The following LARS1 variants were observed in gnomAD, a reference collection of about 807,000 sequenced individuals.
LARS1 encodes the protein leucyl-tRNA synthetase 1, also known as leucine--tRNA ligase, cytoplasmic.
In LARS1, 100 loss-of-function variants were observed where a neutral mutation model predicts 162.8. The ratio of observed to expected loss-of-function variants is 0.61; its 90% CI spans 0.52 to 0.73. LARS1 has a LOEUF of 0.73. LARS1 is among the 30% of genes least tolerant of loss of function. The probability of loss-of-function intolerance (pLI) is 0.00; values close to 1 mark genes in which losing one functional copy is unlikely to be tolerated. For synonymous variants in LARS1, 457 were observed against 462.8 expected (o/e 0.99, Z 0.16); for missense variants, 1,258 against 1,408.9 (o/e 0.89, Z 1.71).
intron 13 of LARS1, among the ~76,000 whole-genome samples, chr5:146,152,498 T>A: frequency 6.6e-6 from 1 of 152,116 alleles, no homozygotes; most frequent in East Asian, 1.9e-4. Flanking sequence ...TTGTGAACTG[T>A]GCATGGAGGG....
intron 23 of LARS1, 44 bp downstream of exon 23, chr5:146,132,854 C>A: frequency 1.4e-6 from 2 of 1,456,688 alleles, no homozygotes; most frequent in Non-Finnish European, 9.4e-7. Context: ...TGCACCAGGA[C>A]TAAGTAACTC....
At chr5:146,179,677 G>T (rs757211262) in intron 1 of LARS1, 1 of 441,736 alleles carries the variant, frequency 2.3e-6, no homozygotes. Flanking sequence ...CCAGCTCACC[G>T]CAGCCTTGAC....
chr5:146,125,488 T>C (rs1025783760), intron 28 of LARS1, among the ~76,000 whole-genome samples: 1 of 152,008 alleles, frequency 6.6e-6, no homozygotes. Context: ...AATTTGTATT[T>C]TTAAACAACA....
intron 21 of LARS1, chr5:146,138,635 G>A (rs1752616547): frequency 6.6e-6 from 1 of 151,672 alleles, no homozygotes; most frequent in South Asian, 2.0e-4. Context: ...GGCTGAGGCA[G>A]GAGAATCGCT....
At chr5:146,126,211 C>T (rs144507259) in intron 28 of LARS1, among the ~76,000 whole-genome samples, 2 of 152,114 alleles carry the variant, frequency 1.3e-5, no homozygotes, top group African/African-American at 2.4e-5. Context: ...TTCAGTGCAG[C>T]CATTCTAAAC....
intron 2 of LARS1, among the ~76,000 whole-genome samples, chr5:146,174,388 T>G (rs943717955): frequency 7.0e-6 from 1 of 142,942 alleles, no homozygotes; most frequent in East Asian, 2.0e-4. Context: ...GAGGTTGCGG[T>G]GAGCCGAGAT....
intron 3 of LARS1, among the ~76,000 whole-genome samples, chr5:146,172,321 T>C (rs1581085465): frequency 2.6e-5 from 4 of 152,004 alleles, no homozygotes; most frequent in Non-Finnish European, 5.9e-5. Context: ...TTTGAGACCA[T>C]CCTGGCCAAT....
At position 146,131,080 on chromosome 5, in the gene LARS1, T is replaced by G. The variant is rs1176146440; in HGVS notation, c.2426A>C (p.Asp809Ala). The G allele has an allele frequency of 6.3e-7, 1 of 1,590,618 alleles. No homozygotes were observed. The highest frequency in any genetic ancestry group is 8.6e-7 in the Non-Finnish European group (1 of 1,165,532). Residue 809 changes from aspartate to alanine, a missense_variant, in exon 24 of 32, where the codon GAT becomes GCT. Asp to Ala is a moderately radical substitution (Grantham distance 126). Transcript: ENST00000394434. The stretch of plus-strand genomic sequence containing the variant: ...AAACATCATCTTTTCATAGTTTTGA[T>G]CTGTTTTTATAATTCCTGCATTCAA... ...SELNAGIIKT[D>A]QNYEKMMFKE...
At chr5:146,125,946 G>A (rs577687591) in intron 28 of LARS1, among the ~76,000 whole-genome samples, 13 of 152,046 alleles carry the variant, frequency 8.6e-5, no homozygotes, top group African/African-American at 3.1e-4. Context: ...ATGAGTAGAA[G>A]CCAGGGATGC....
At chr5:146,135,722 A>G in intron 21 of LARS1, 58 bp from the exon 22 acceptor site, 1 of 1,258,948 alleles carries the variant, frequency 7.9e-7, no homozygotes, top group Non-Finnish European at 1.1e-6. Flanking sequence ...AAACCAAATG[A>G]GCCAAATAAA....
At chr5:146,130,370 A>G (rs1561802058) in intron 24 of LARS1, 3 of 557,188 alleles carry the variant, frequency 5.4e-6, no homozygotes, top group South Asian at 2.3e-5. Flanking sequence ...ATTCTCAAAA[A>G]AAGAATTTTT....
intron 7 of LARS1, 26 bp from the exon 8 acceptor site, chr5:146,159,496 A>C: frequency 6.5e-7 from 1 of 1,538,652 alleles, no homozygotes; most frequent in Non-Finnish European, 9.0e-7. Context: ...AAAGTGACAA[A>C]CATTATTATA....
In LARS1 at chr5:146,120,442, A is replaced by G. The variant is rs1346963644; in HGVS notation, c.3254T>C (p.Ile1085Thr). 2.5e-6 allele frequency: 4 copies of G among 1,613,212 alleles called. No individual in the cohort carries two copies. The African/African-American group carries it at 4.0e-5, about 16-fold the overall frequency. The change falls in exon 31 of 32, where the codon ATT (isoleucine) becomes ACT (threonine). Residue 1085 changes from isoleucine to threonine, a missense_variant. Ile to Thr is a moderately conservative substitution (Grantham distance 89, BLOSUM62 -1). Coordinates refer to ENST00000394434, the MANE Select transcript of LARS1 (RefSeq NM_020117.11). ...ACAGTTATCTCCTTGCCTGATTTCA[A>G]TTTTGGTTGAGAAGTGGCCATTGGA... ...QPSNGHFSTKIEIRQGDNCDS... is the reference protein window; with the variant it reads ...QPSNGHFSTKTEIRQGDNCDS...
chr5:146,115,091 T>C (rs1300959626), intron 31 of LARS1, among the ~76,000 whole-genome samples: 1 of 140,862 alleles, frequency 7.1e-6, no homozygotes, highest in Admixed American at 7.1e-5. Flanking sequence ...AAAGCTAAAA[T>C]GTAGCAAATC....
intron 18 of LARS1, among the ~76,000 whole-genome samples, chr5:146,143,884 C>T (rs1056260805): frequency 6.6e-6 from 1 of 152,096 alleles, no homozygotes; most frequent in East Asian, 1.9e-4. Flanking sequence ...TGCCTGCAAT[C>T]CCAGCTACTC....
At chr5:146,144,915 T>A (rs1197470145) in intron 15 of LARS1, among the ~76,000 whole-genome samples, 2 of 152,084 alleles carry the variant, frequency 1.3e-5, no homozygotes, top group Non-Finnish European at 2.9e-5. Flanking sequence ...TGAATCTTCA[T>A]CAAGTGGATC....
chr5:146,159,372 T>G (rs1753673367), intron 8 of LARS1, 35 bp downstream of exon 8: 2 of 1,520,992 alleles, frequency 1.3e-6, no homozygotes, highest in Non-Finnish European at 1.8e-6. Context: ...TATTAAGGAT[T>G]ATTATAATAG....
intron 20 of LARS1, 98 bp downstream of exon 20, chr5:146,142,774 A>G (rs1406820629): frequency 2.5e-5 from 22 of 895,084 alleles, no homozygotes; most frequent in Non-Finnish European, 3.4e-5. Context: ...TGGCAAATCT[A>G]TACCATCCCC....
chr5:146,126,602 G>A, intron 27 of LARS1, 57 bp from the exon 28 acceptor site: 1 of 1,171,420 alleles, frequency 8.5e-7, no homozygotes, highest in South Asian at 1.3e-5. Context: ...GAATAAGGCA[G>A]AACAGTAGAT....
Sources: allele counts gnomAD v4.1 joint callset (sites outside exome capture counted in the v4.1 genomes callset), GRCh38; gene constraint gnomAD v4.1.1; transcripts MANE v1.5; gene names NCBI Gene and HGNC (gene_info 2026-07-23, HGNC 2026-07-21).